COL5A1: variants seen among roughly 807,000 people sequenced by gnomAD.
The protein encoded by COL5A1 is collagen alpha-1(V) chain.
In COL5A1, 16 loss-of-function variants were observed where a neutral mutation model predicts 263.7. The ratio of observed to expected loss-of-function variants is 0.06; its 90% confidence interval spans 0.04 to 0.09. The LOEUF (loss-of-function observed/expected upper bound fraction) is 0.09. Among genes scored for constraint, COL5A1 ranks in the 10% least tolerant of loss-of-function variants. COL5A1 has a pLI of 1.00. For missense variants in COL5A1, 2,036 were observed against 2,540.5 expected, an observed-to-expected ratio of 0.80 and a Z score of 4.27; for synonymous variants, 1,012 against 1,004.5, an observed-to-expected ratio of 1.01 and a Z score of -0.14.
At chr9:134,744,844 TACACATGCACACACATTTAC>T (rs1056504085) in intron 11 of COL5A1, among the ~76,000 whole-genome samples, 7 of 143,636 alleles carry the variant, frequency 4.9e-5, no homozygotes, top group Admixed American at 4.8e-4. Flanking sequence ...CACTCATCCA[TACACATGCACACACATTTAC>T]ACACATGCAC....
chr9:134,740,479 C>T (rs887391755), intron 11 of COL5A1, among the ~76,000 whole-genome samples: 2 of 152,230 alleles, frequency 1.3e-5, no homozygotes, highest in East Asian at 1.9e-4. Context: ...GAGCTGTTTT[C>T]TCTCCCAGAT....
intron 1 of COL5A1, among the ~76,000 whole-genome samples, chr9:134,654,419 G>T (rs1332655809): frequency 9.9e-6 from 1 of 101,464 alleles, no homozygotes; most frequent in Non-Finnish European, 2.1e-5. Context: ...GTGTAGGGCT[G>T]GAGGTGTGTA....
At chr9:134,732,312 T>C (rs1281565885) in intron 9 of COL5A1, 185 bp downstream of exon 9, 1 of 693,892 alleles carries the variant, frequency 1.4e-6, no homozygotes, top group African/African-American at 1.8e-5. Context: ...AAGAATCCCC[T>C]TGGGTAGGGG....
At chr9:134,764,323 AGG>A (rs1179696344) in intron 20 of COL5A1, among the ~76,000 whole-genome samples, 6 of 44,266 alleles carry the variant, frequency 1.4e-4, no homozygotes, top group Non-Finnish European at 2.1e-4. Context: ...ATAGGGGGTC[AGG>A]GGGCGGCATG....
chr9:134,787,389 C>G (rs1837501034), intron 31 of COL5A1, among the ~76,000 whole-genome samples: 1 of 152,222 alleles, frequency 6.6e-6, no homozygotes, highest in Admixed American at 6.5e-5. Context: ...AGTGGCTTGG[C>G]TGAACTCAGT....
intron 19 of COL5A1, among the ~76,000 whole-genome samples, chr9:134,762,697 A>G (rs1427275177): frequency 6.6e-6 from 1 of 152,018 alleles, no homozygotes; most frequent in African/African-American, 2.4e-5. Context: ...AGCTTTAAGG[A>G]GCTCTGGAGG....
rs1588402374 is a variant in COL5A1, at chr9:134,652,073, C to T, written c.109+9777C>T. Among the ~76,000 whole-genome samples, 1 of 152,118 alleles carries T rather than the reference C, an allele frequency of 6.6e-6. No homozygotes were observed. Among genetic ancestry groups the T allele is most frequent in the African/African-American group, 2.4e-5 (1 of 41,402 alleles). On this transcript the variant is annotated intron_variant, in intron 1 of 65. Transcript: ENST00000371817. The surrounding 1 kb of genome is among the most constrained non-coding windows in gnomAD (Gnocchi z 4.4). ...CACTGACTCTTCTCAGAGCCTTTGG[C>T]TACAGAGTGTTCCCGCGGTCGAGGT...
chr9:134,783,952 G>A (rs1028024627), intron 29 of COL5A1, among the ~76,000 whole-genome samples: 1 of 152,226 alleles, frequency 6.6e-6, no homozygotes, highest in Non-Finnish European at 1.5e-5. Flanking sequence ...CGTGACGAGG[G>A]TGCAGCTTCA....
chr9:134,786,777 T>C (rs1469081696), intron 31 of COL5A1, among the ~76,000 whole-genome samples: 1 of 152,194 alleles, frequency 6.6e-6, no homozygotes, highest in Non-Finnish European at 1.5e-5. Flanking sequence ...ACTGGAGACA[T>C]AATTAACAGC....
intron 1 of COL5A1, among the ~76,000 whole-genome samples, chr9:134,672,041 G>A (rs956571205): frequency 6.6e-6 from 1 of 152,224 alleles, no homozygotes; most frequent in African/African-American, 2.4e-5. Flanking sequence ...CCTGAGAAGT[G>A]CAAATGCAGT....
At position 134,706,522 on chromosome 9, in the gene COL5A1, C is replaced by T. The variant is rs564001602; in HGVS notation, c.654+5189C>T. Among the ~76,000 whole-genome samples, 47 of 152,280 alleles carry T rather than the reference C, an allele frequency of 3.1e-4. 1 individual carries two copies. The highest frequency in any genetic ancestry group is 2.7e-3 in the Admixed American group (42 of 15,308). Reference sequence around the variant, plus strand: ...ATGGGAGAGCAGCCAGGGCCCACCCCCACTGTGCCCTGGAAGAAGAGAGTC... The same window carrying T: ...ATGGGAGAGCAGCCAGGGCCCACCCTCACTGTGCCCTGGAAGAAGAGAGTC... On this transcript the variant is annotated intron_variant, in intron 4 of 65. Transcript: ENST00000371817.
intron 4 of COL5A1, chr9:134,708,429 G>T (rs751704579): frequency 2.4e-6 from 1 of 410,470 alleles, no homozygotes; most frequent in Admixed American, 2.8e-5. Context: ...CGGGGTGGGG[G>T]CTCTGGTGCA....
At chr9:134,691,231 A>G (rs911808637) in intron 2 of COL5A1, 152 bp downstream of exon 2, 3 of 972,832 alleles carry the variant, frequency 3.1e-6, no homozygotes, top group Non-Finnish European at 4.6e-6. Flanking sequence ...CACTGTAGTG[A>G]AAAGGCAGTT....
intron 4 of COL5A1, among the ~76,000 whole-genome samples, chr9:134,704,166 A>G (rs1833766759): frequency 6.6e-6 from 1 of 152,214 alleles, no homozygotes; most frequent in Admixed American, 6.5e-5. Context: ...AAGCACTAGA[A>G]ATCCGTGTTC....
intron 65 of COL5A1, among the ~76,000 whole-genome samples, chr9:134,839,396 C>T (rs1029726107): frequency 1.1e-4 from 16 of 152,304 alleles, no homozygotes; most frequent in African/African-American, 3.8e-4. Flanking sequence ...CAGAGGGGTC[C>T]CATAAATCCC....
chr9:134,724,295 T>G (rs1255448340), intron 4 of COL5A1, among the ~76,000 whole-genome samples: 2 of 152,224 alleles, frequency 1.3e-5, no homozygotes, highest in East Asian at 1.9e-4. Flanking sequence ...TACAGCTCTG[T>G]GAGGTCAATG....
At chr9:134,778,575 C>T (rs1837135823) in intron 27 of COL5A1, among the ~76,000 whole-genome samples, 1 of 152,202 alleles carries the variant, frequency 6.6e-6, no homozygotes. Context: ...TGTGCCCTGT[C>T]CCCCCAAGGC....
chr9:134,825,375 C>G (rs1274726214), intron 62 of COL5A1, among the ~76,000 whole-genome samples: 1 of 152,208 alleles, frequency 6.6e-6, no homozygotes, highest in Non-Finnish European at 1.5e-5. Context: ...TTCCCATTAG[C>G]TTTTCTTCCC....
chr9:134,820,059 G>A (rs964561199), intron 57 of COL5A1, 57 bp from the exon 58 acceptor site: 4 of 1,341,824 alleles, frequency 3.0e-6, no homozygotes, highest in Non-Finnish European at 3.2e-6. Flanking sequence ...GCCCACCGTG[G>A]CCGAGCATGA....
Sources: gnomAD v4.1 joint callset for allele counts (sites outside exome capture counted in the v4.1 genomes callset) on GRCh38, gnomAD v4.1.1 for gene constraint, Gnocchi (gnomAD v3.1) non-coding constraint, MANE v1.5 for transcripts, NCBI Gene and HGNC (gene_info 2026-07-23, HGNC 2026-07-21) for gene names.